PLCB4: variants seen among roughly 807,000 people sequenced by gnomAD.
PLCB4 encodes the protein phospholipase C beta 4.
PLCB4 carries 77 observed loss-of-function variants against 178.8 expected under a neutral mutation model. That is an observed-to-expected ratio of 0.43 (90% CI 0.36 to 0.52). The LOEUF is 0.52. Among genes scored for constraint, PLCB4 ranks in the 20% least tolerant of loss-of-function variants. The pLI, the probability that PLCB4 is intolerant of heterozygous loss-of-function variation, is 0.00. For missense variants in PLCB4, 1,024 were observed against 1,453.4 expected (o/e 0.70, Z 4.80); for synonymous variants, 496 against 490.8 (o/e 1.01, Z -0.14).
chr20:9,204,605 T>C (rs2093593672), intron 2 of PLCB4, among the ~76,000 whole-genome samples: 1 of 152,066 alleles, frequency 6.6e-6, no homozygotes, highest in African/African-American at 2.4e-5. Flanking sequence ...TCAGGTGATC[T>C]GCCTGCTTCA....
chr20:9,350,593 T>G (rs2034241664), intron 7 of PLCB4, among the ~76,000 whole-genome samples: 1 of 152,162 alleles, frequency 6.6e-6, no homozygotes, highest in Admixed American at 6.5e-5. Flanking sequence ...AGTCTCACTC[T>G]GTCCCCCAAG....
chr20:9,112,249 C>T (rs575014771), intron 2 of PLCB4, among the ~76,000 whole-genome samples: 1 of 151,378 alleles, frequency 6.6e-6, no homozygotes, highest in South Asian at 2.1e-4. Flanking sequence ...GAAACAAATA[C>T]CCTACTCTTT....
chr20:9,406,383 C>A (rs952691815), intron 21 of PLCB4, among the ~76,000 whole-genome samples: 2 of 152,026 alleles, frequency 1.3e-5, no homozygotes, highest in African/African-American at 2.4e-5. Flanking sequence ...AAAAACAAAA[C>A]CAAATTACAT....
chr20:9,293,451 C>T (rs1471508811), intron 3 of PLCB4, among the ~76,000 whole-genome samples: 1 of 146,090 alleles, frequency 6.8e-6, no homozygotes, highest in Non-Finnish European at 1.5e-5. Flanking sequence ...GCCTGGGTGA[C>T]AGAGAGAGAC....
chr20:9,117,386 G>A (rs1467791056), intron 2 of PLCB4, among the ~76,000 whole-genome samples: 1 of 152,108 alleles, frequency 6.6e-6, no homozygotes, highest in Non-Finnish European at 1.5e-5. Context: ...CTTTTACACT[G>A]CCACCAGTAG....
intron 32 of PLCB4, among the ~76,000 whole-genome samples, chr20:9,449,913 T>C (rs2042647805): frequency 6.6e-6 from 1 of 152,188 alleles, no homozygotes; most frequent in African/African-American, 2.4e-5. Flanking sequence ...AGTCCGCCTA[T>C]TGGTAATCTC....
intron 3 of PLCB4, among the ~76,000 whole-genome samples, chr20:9,228,108 A>G (rs1467276326): frequency 1.3e-5 from 2 of 152,342 alleles, no homozygotes; most frequent in African/African-American, 2.4e-5. Context: ...CCAAGGGGCC[A>G]TATTCCAGCA....
rs533482025 is a variant in PLCB4 at position 9,209,123 on chromosome 20, A to G, written c.-78-8267A>G. Among the ~76,000 whole-genome samples, 6 of 152,172 alleles carry G rather than the reference A, an allele frequency of 3.9e-5. No individual in the cohort carries two copies. The East Asian group carries it at 7.8e-4, about 20-fold the overall frequency. On this transcript the variant is annotated intron_variant, in intron 2 of 39. Coordinates refer to ENST00000378473, the MANE Select transcript of PLCB4 (RefSeq NM_001377142.1). Reference sequence around the variant, plus strand: ...TTTTCTAGACATCTAGTTTCATAAGATTTAGTTTAAGGTCAAGAGGAGAAA... The same window carrying G: ...TTTTCTAGACATCTAGTTTCATAAGGTTTAGTTTAAGGTCAAGAGGAGAAA...
intron 25 of PLCB4, among the ~76,000 whole-genome samples, chr20:9,416,226 G>T (rs143637878): frequency 6.5e-4 from 99 of 152,282 alleles, no homozygotes; most frequent in African/African-American, 2.2e-3. Context: ...TGAAAGGGGG[G>T]ATGTGGAAGA....
rs115206608 is a variant in PLCB4 at position 9,439,586 on chromosome 20, A to C, written c.2764+2434A>C. ...AGAACTGAAAAACAGCAGTATAGAA[A>C]AGCTTTGGAGTTGCCCCTGGCTGGA... is the stretch of plus-strand genomic sequence containing the variant. On this transcript the variant is annotated intron_variant, in intron 30 of 39. Coordinates refer to ENST00000378473, the MANE Select transcript of PLCB4 (RefSeq NM_001377142.1). 8.6e-3 allele frequency among the ~76,000 whole-genome samples: 1,316 copies of C among 152,278 alleles called. 25 individuals carry two copies. Among genetic ancestry groups the C allele is most frequent in the African/African-American group, 0.03 (1,257 of 41,560 alleles).
At chr20:9,353,652 C>T (rs548340656) in intron 7 of PLCB4, among the ~76,000 whole-genome samples, 16 of 152,300 alleles carry the variant, frequency 1.1e-4, no homozygotes, top group African/African-American at 3.6e-4. Flanking sequence ...CACTCTCCAC[C>T]TCTGCCACTG....
At chr20:9,074,456 G>T (rs997726707) in intron 1 of PLCB4, among the ~76,000 whole-genome samples, 2 of 152,118 alleles carry the variant, frequency 1.3e-5, no homozygotes, top group African/African-American at 4.8e-5. Context: ...TCTCCTAATG[G>T]TACTACTAGT....
intron 3 of PLCB4, among the ~76,000 whole-genome samples, chr20:9,218,646 G>C (rs2093760876): frequency 6.6e-6 from 1 of 152,128 alleles, no homozygotes. Context: ...CAGTGCCCGT[G>C]GCTGATTTTC....
intron 13 of PLCB4, among the ~76,000 whole-genome samples, chr20:9,380,614 A>G (rs1353122477): frequency 6.6e-6 from 1 of 152,244 alleles, no homozygotes; most frequent in Non-Finnish European, 1.5e-5. Context: ...GGTATGAAAG[A>G]TAAATACAAT....
chr20:9,074,491 T>G (rs942206793), intron 1 of PLCB4, among the ~76,000 whole-genome samples: 7 of 152,298 alleles, frequency 4.6e-5, no homozygotes, highest in African/African-American at 1.7e-4. Flanking sequence ...CTTGTTCTCT[T>G]TCATAGGGGT....
intron 3 of PLCB4, among the ~76,000 whole-genome samples, chr20:9,268,195 T>C (rs1198939782): frequency 6.6e-6 from 1 of 152,164 alleles, no homozygotes; most frequent in Non-Finnish European, 1.5e-5. Flanking sequence ...ACTAGCAAAA[T>C]TAACTAGTAT....
intron 9 of PLCB4, among the ~76,000 whole-genome samples, chr20:9,370,066 G>C (rs765570534): frequency 6.6e-6 from 1 of 152,190 alleles, no homozygotes; most frequent in African/African-American, 2.4e-5. Context: ...GGTGTTCCAG[G>C]GTACCAAGTC....
intron 7 of PLCB4, among the ~76,000 whole-genome samples, chr20:9,340,095 G>C (rs1334423184): frequency 2.0e-5 from 3 of 152,116 alleles, no homozygotes. Flanking sequence ...GGTTGAATGA[G>C]AGAGGGTTCC....
chr20:9,364,848 A>T (rs576293692), intron 8 of PLCB4, among the ~76,000 whole-genome samples: 5 of 152,310 alleles, frequency 3.3e-5, no homozygotes, highest in East Asian at 1.9e-4. Context: ...AAGCCTGGGG[A>T]AAGCAAGGAA....
Sources: allele counts gnomAD v4.1 joint callset (sites outside exome capture counted in the v4.1 genomes callset), GRCh38; gene constraint gnomAD v4.1.1; transcripts MANE v1.5; gene names NCBI Gene and HGNC (gene_info 2026-07-23, HGNC 2026-07-21).